Variants in AFTPH observed in about 807,000 individuals in gnomAD.
The protein encoded by AFTPH is aftiphilin.
AFTPH carries 7 observed loss-of-function variants against 72.5 expected under a neutral mutation model. The ratio of observed to expected loss-of-function variants is 0.10; its 90% CI spans 0.05 to 0.18. The LOEUF (loss-of-function observed/expected upper bound fraction) is 0.18, where lower values mean the gene tolerates loss of function less well. AFTPH is among the 10% of genes least tolerant of loss of function. The pLI, the probability that AFTPH is intolerant of heterozygous loss-of-function variation, is 1.00. For missense variants in AFTPH, 979 were observed against 1,060.5 expected (o/e 0.92, Z 1.07); for synonymous variants, 337 against 370.1 (o/e 0.91, Z 1.03).
chr2:64,569,595 A>G (rs777498496), intron 4 of AFTPH, 28 bp from the exon 5 acceptor site: 2 of 1,608,024 alleles, frequency 1.2e-6, no homozygotes, highest in Admixed American at 3.3e-5. Flanking sequence ...CTCTAAATAT[A>G]TGTTCTTTCT....
At chr2:64,543,451 C>T (rs1264963678) in intron 1 of AFTPH, among the ~76,000 whole-genome samples, 17 of 152,160 alleles carry the variant, frequency 1.1e-4, no homozygotes, top group Non-Finnish European at 2.2e-4. Context: ...TTATGCCTTT[C>T]CTAAGGTCAT....
chr2:64,558,624 C>T (rs1242064043), intron 2 of AFTPH, among the ~76,000 whole-genome samples: 2 of 152,214 alleles, frequency 1.3e-5, no homozygotes, highest in Non-Finnish European at 2.9e-5. Context: ...AGGAGCACCT[C>T]CTACCACCAT....
chr2:64,532,801 T>A (rs909817890), intron 1 of AFTPH, among the ~76,000 whole-genome samples: 2 of 152,110 alleles, frequency 1.3e-5, no homozygotes, highest in Non-Finnish European at 2.9e-5. Flanking sequence ...GATGAAATTG[T>A]TTTGGGAAAA....
chr2:64,562,866 C>G lies in AFTPH; in HGVS notation c.1936-4696C>G, dbSNP rs138897057. 4.4e-3 allele frequency among the ~76,000 whole-genome samples: 676 copies of G among 152,318 alleles called. 9 individuals are homozygous for G. The highest frequency in any genetic ancestry group is 0.015 in the African/African-American group (633 of 41,556). ...AATGATATTGTTTGCTTTACTTATA[C>G]TGCCTTACGTGCCTAAGGAAACTAG... On this transcript the variant is annotated intron_variant, in intron 2 of 8. Transcript: ENST00000238856.
chr2:64,538,593 T>G (rs1392451392), intron 1 of AFTPH, among the ~76,000 whole-genome samples: 3 of 152,248 alleles, frequency 2.0e-5, no homozygotes, highest in African/African-American at 4.8e-5. Context: ...GTCTTTAAGT[T>G]TGGTTAATTG....
intron 6 of AFTPH, among the ~76,000 whole-genome samples, chr2:64,577,938 T>G (rs770410482): frequency 6.6e-6 from 1 of 152,152 alleles, no homozygotes; most frequent in Non-Finnish European, 1.5e-5. Flanking sequence ...CATAGGTAGA[T>G]TCCTGTAACC....
intron 1 of AFTPH, among the ~76,000 whole-genome samples, chr2:64,527,265 A>G (rs1285774524): frequency 6.6e-6 from 1 of 152,158 alleles, no homozygotes; most frequent in Non-Finnish European, 1.5e-5. Context: ...TAAGGTTTGC[A>G]TGAAGTTCTT....
chr2:64,537,063 C>G (rs908585752), intron 1 of AFTPH, among the ~76,000 whole-genome samples: 1 of 149,928 alleles, frequency 6.7e-6, no homozygotes, highest in African/African-American at 2.4e-5. Flanking sequence ...ATAGCTTTCT[C>G]TTTTTTAATG....
At chr2:64,535,114 G>C (rs1669818172) in intron 1 of AFTPH, among the ~76,000 whole-genome samples, 1 of 152,108 alleles carries the variant, frequency 6.6e-6, no homozygotes, top group African/African-American at 2.4e-5. Context: ...CAAATCATAA[G>C]AGAAAACATT....
intron 6 of AFTPH, 83 bp downstream of exon 6, chr2:64,573,151 A>G (rs1672548916): frequency 9.6e-7 from 1 of 1,047,040 alleles, no homozygotes; most frequent in South Asian, 2.0e-5. Context: ...TCCTTCATTT[A>G]TGACTGTTTT....
intron 1 of AFTPH, chr2:64,525,410 C>T (rs1461430093): frequency 6.5e-6 from 1 of 154,228 alleles, no homozygotes; most frequent in Admixed American, 6.6e-5. Flanking sequence ...CTTGGTTATA[C>T]TGAATCTTTT....
At chr2:64,570,950 A>G (rs140751357) in intron 5 of AFTPH, among the ~76,000 whole-genome samples, 2,350 of 111,376 alleles carry the variant, frequency 0.021, 28 homozygotes, top group Middle Eastern at 0.071. Flanking sequence ...AGTTTTTCAC[A>G]TCTGTCAGCT....
At chr2:64,526,336 C>A (rs1669263880) in intron 1 of AFTPH, among the ~76,000 whole-genome samples, 1 of 152,176 alleles carries the variant, frequency 6.6e-6, no homozygotes, top group African/African-American at 2.4e-5. Flanking sequence ...TGTGTGAAAT[C>A]TAAAGTGCTT....
intron 2 of AFTPH, among the ~76,000 whole-genome samples, chr2:64,564,650 C>T (rs1338462660): frequency 6.6e-6 from 1 of 151,814 alleles, no homozygotes; most frequent in Non-Finnish European, 1.5e-5. Context: ...TAAATAAATG[C>T]AGAAACTGGA....
intron 1 of AFTPH, among the ~76,000 whole-genome samples, chr2:64,542,199 G>A (rs1670294792): frequency 6.6e-6 from 1 of 152,136 alleles, no homozygotes; most frequent in Non-Finnish European, 1.5e-5. Context: ...CTCGATGTTT[G>A]ATTCTGGAAA....
intron 5 of AFTPH, among the ~76,000 whole-genome samples, chr2:64,571,987 G>T (rs113921888): frequency 0.018 from 2,734 of 152,186 alleles, 88 homozygotes; most frequent in African/African-American, 0.062. Context: ...AGGCCAAGAC[G>T]GGTGGATCAC....
At chr2:64,524,869 G>T (rs1317836367) in intron 1 of AFTPH, among the ~76,000 whole-genome samples, 1 of 152,238 alleles carries the variant, frequency 6.6e-6, no homozygotes, top group African/African-American at 2.4e-5. Flanking sequence ...GGCCGGGTAA[G>T]TGGGAGTCCT....
chr2:64,570,290 C>T (rs888811281), intron 5 of AFTPH, among the ~76,000 whole-genome samples: 6 of 151,806 alleles, frequency 4.0e-5, no homozygotes, highest in African/African-American at 1.2e-4. Context: ...GTATTTTTAT[C>T]GATGAATAAA....
rs780832970 is a variant in AFTPH at position 64,555,218 on chromosome 2, TC to T, written c.1935+1810del. Among the ~76,000 whole-genome samples, 24 of 152,216 alleles carry T rather than the reference TC, an allele frequency of 1.6e-4. 1 individual carries two copies. The highest frequency in any genetic ancestry group is 1.3e-3 in the East Asian group (7 of 5,200). On this transcript the variant is annotated intron_variant, in intron 2 of 8. Transcript: ENST00000238856. ...GAAAATAAGAATTTTATAGTATGAT[TC>T]TTTTTTTTATAAAAATAAAACAAAC...
Sources: gnomAD v4.1 joint callset for allele counts (sites outside exome capture counted in the v4.1 genomes callset) on GRCh38, gnomAD v4.1.1 for gene constraint, MANE v1.5 for transcripts, NCBI Gene and HGNC (gene_info 2026-07-23, HGNC 2026-07-21) for gene names.